Variants in CSMD1 observed in about 807,000 individuals in gnomAD.
The protein encoded by CSMD1 is CUB and Sushi multiple domains 1.
Under a neutral mutation model 417.5 loss-of-function variants are expected in CSMD1, and 213 were observed. The observed-to-expected ratio is 0.51, with a 90% confidence interval of 0.46 to 0.57. The LOEUF (loss-of-function observed/expected upper bound fraction) is 0.57, where lower values mean the gene tolerates loss of function less well. Ranked by LOEUF, CSMD1 falls within the 20% of genes least tolerant of loss-of-function variation. The pLI, the probability that CSMD1 is intolerant of heterozygous loss-of-function variation, is 0.00. For synonymous variants in CSMD1, 2,862 were observed against 1,736.8 expected (o/e 1.65, Z -16.11); for missense variants, 6,923 against 4,529.7 (o/e 1.53, Z -15.17).
intron 1 of CSMD1, among the ~76,000 whole-genome samples, chr8:4,751,424 T>C (rs1811320037): frequency 6.6e-6 from 1 of 151,978 alleles, no homozygotes; most frequent in Non-Finnish European, 1.5e-5. Flanking sequence ...AGAGAGCATC[T>C]CTATAAAATT....
chr8:4,021,462 T>C (rs1220857013), intron 4 of CSMD1, among the ~76,000 whole-genome samples: 4 of 152,302 alleles, frequency 2.6e-5, no homozygotes, highest in South Asian at 2.1e-4. Flanking sequence ...CTGGCTTTTG[T>C]TGGTTAAGCG....
At chr8:3,273,606 C>T (rs1349414620) in intron 26 of CSMD1, among the ~76,000 whole-genome samples, 1 of 152,204 alleles carries the variant, frequency 6.6e-6, no homozygotes, top group Non-Finnish European at 1.5e-5. Context: ...GCCACAATTT[C>T]AGCTCCTGTT....
intron 3 of CSMD1, among the ~76,000 whole-genome samples, chr8:4,155,458 TG>T (rs775741710): frequency 6.6e-6 from 1 of 152,210 alleles, no homozygotes; most frequent in Non-Finnish European, 1.5e-5. Context: ...AATGAAAATA[TG>T]GTAAGTATGT....
intron 2 of CSMD1, among the ~76,000 whole-genome samples, chr8:4,550,915 G>C (rs1013549526): frequency 9.2e-5 from 14 of 152,086 alleles, no homozygotes; most frequent in Admixed American, 3.3e-4. Flanking sequence ...CCAGGACTTG[G>C]CTCAAGTTAG....
In CSMD1 at chr8:4,874,651, A is replaced by G. The variant is rs572519739; in HGVS notation, c.85+119681T>C. On this transcript the variant is annotated intron_variant, in intron 1 of 69. Transcript: ENST00000635120. ...GGTGATCTACCCACCTTGGCCTCCCAGAGTCCTGGGATCAGTTGGCATCTT... is the reference window on the plus strand; with the variant it reads ...GGTGATCTACCCACCTTGGCCTCCCGGAGTCCTGGGATCAGTTGGCATCTT... Among the ~76,000 whole-genome samples, 9 of 152,044 alleles carry G rather than the reference A, an allele frequency of 5.9e-5. No homozygotes were observed. In the East Asian group the frequency reaches 1.7e-3, roughly 29 times the overall value.
intron 2 of CSMD1, among the ~76,000 whole-genome samples, chr8:4,511,668 C>G (rs13255344): frequency 0.52 from 78,489 of 151,870 alleles, 20,401 homozygotes; most frequent in East Asian, 0.59. Context: ...GCACAAAGCT[C>G]CAGAGTGGGA....
chr8:4,460,606 T>TG (rs56951782), intron 2 of CSMD1, among the ~76,000 whole-genome samples: 11,561 of 151,716 alleles, frequency 0.076, 1,247 homozygotes, highest in African/African-American at 0.24. Flanking sequence ...ATTACTAAAA[T>TG]GGGGGAAAAA....
intron 18 of CSMD1, among the ~76,000 whole-genome samples, chr8:3,383,402 C>G: frequency 6.6e-6 from 1 of 151,872 alleles, no homozygotes; most frequent in South Asian, 2.1e-4. Flanking sequence ...TGGAGGGAAG[C>G]CTTCTTCCAC....
At chr8:3,050,486 T>C (rs1038599865) in intron 50 of CSMD1, among the ~76,000 whole-genome samples, 1 of 152,228 alleles carries the variant, frequency 6.6e-6, no homozygotes, top group Non-Finnish European at 1.5e-5. Flanking sequence ...GACATTGTTC[T>C]TATTAAAATC....
At position 3,786,874 on chromosome 8, in the gene CSMD1, C is replaced by T. The variant is rs149280198; in HGVS notation, c.819-32832G>A. On this transcript the variant is annotated intron_variant, in intron 5 of 69. Coordinates refer to ENST00000635120, the MANE Select transcript of CSMD1 (RefSeq NM_033225.6). The stretch of plus-strand genomic sequence containing the variant: ...ACTAATCACATTATGAGGGCCACAC[C>T]CTCCTGACCTAAAAGCCCCACCTCC... 8.7e-4 allele frequency among the ~76,000 whole-genome samples: 132 copies of T among 152,162 alleles called. 1 individual carries two copies. Among genetic ancestry groups the T allele is most frequent in the African/African-American group, 3.1e-3 (127 of 41,528 alleles).
intron 5 of CSMD1, among the ~76,000 whole-genome samples, chr8:3,968,606 G>T (rs775679974): frequency 1.3e-5 from 2 of 152,138 alleles, no homozygotes; most frequent in African/African-American, 2.4e-5. Context: ...TATTCGCTAA[G>T]GAAGATGTCT....
At chr8:4,964,717 G>A (rs1187376340) in intron 1 of CSMD1, among the ~76,000 whole-genome samples, 1 of 151,992 alleles carries the variant, frequency 6.6e-6, no homozygotes, top group Non-Finnish European at 1.5e-5. Context: ...TGGTCACTAA[G>A]CCAAACTGAA....
intron 25 of CSMD1, among the ~76,000 whole-genome samples, chr8:3,306,835 AAAATATT>A (rs1804895023): frequency 3.6e-5 from 1 of 27,936 alleles, no homozygotes; most frequent in South Asian, 1.0e-3. Context: ...GCTTACTTTA[AAAATATT>A]ACAGAGCTTA....
In CSMD1 at chr8:3,029,434, G is replaced by A. The variant is rs777432836; in HGVS notation, c.7740C>T (p.Tyr2580=). 79 of 1,609,926 alleles carry A rather than the reference G, an allele frequency of 4.9e-5. 1 individual carries two copies. Among genetic ancestry groups the A allele is most frequent in the South Asian group, 2.9e-4 (26 of 90,182 alleles). The change falls in exon 51 of 70, where the codon TAC becomes TAT. Residue 2580 remains tyrosine, a synonymous_variant. Coordinates refer to ENST00000635120, the MANE Select transcript of CSMD1 (RefSeq NM_033225.6). ...TGCAGCTCAGCAATACTTGAGCACC[G>A]TACTCATTCAAGGATCCTGAAACCA... is the stretch of plus-strand genomic sequence containing the variant. ...WRLVSGSLNE[Y]GAQVLLSCSP...
intron 1 of CSMD1, among the ~76,000 whole-genome samples, chr8:4,646,081 C>T (rs1041158768): frequency 6.6e-6 from 1 of 152,178 alleles, no homozygotes; most frequent in Admixed American, 6.5e-5. Context: ...CAATCTAAAC[C>T]TGAGTCTTCG....
At chr8:3,348,224 T>G (rs1808144431) in intron 21 of CSMD1, 63 bp from the exon 22 acceptor site, 8 of 1,270,216 alleles carry the variant, frequency 6.3e-6, no homozygotes, top group Non-Finnish European at 8.8e-6. Flanking sequence ...TTTAACAGAT[T>G]AAAAACTTTA....
At chr8:4,074,240 G>A (rs969675869) in intron 3 of CSMD1, among the ~76,000 whole-genome samples, 14 of 151,902 alleles carry the variant, frequency 9.2e-5, no homozygotes, top group African/African-American at 3.4e-4. Context: ...TAACCCCAGA[G>A]AAAGCAAAAA....
intron 5 of CSMD1, among the ~76,000 whole-genome samples, chr8:3,828,252 G>A (rs930585502): frequency 2.0e-5 from 3 of 152,058 alleles, no homozygotes; most frequent in South Asian, 2.1e-4. Flanking sequence ...AAATGACAAC[G>A]TTATGTAAGA....
At chr8:3,368,249 T>C (rs1198410905) in intron 19 of CSMD1, among the ~76,000 whole-genome samples, 2 of 152,226 alleles carry the variant, frequency 1.3e-5, no homozygotes, top group African/African-American at 4.8e-5. Context: ...TAATAAAATG[T>C]AGCCATTTCA....
Sources: gnomAD v4.1 joint callset for allele counts (sites outside exome capture counted in the v4.1 genomes callset) on GRCh38, gnomAD v4.1.1 for gene constraint, MANE v1.5 for transcripts, NCBI Gene and HGNC (gene_info 2026-07-23, HGNC 2026-07-21) for gene names.